FHIT: variants seen among roughly 807,000 people sequenced by gnomAD.
FHIT encodes the protein fragile histidine triad diadenosine triphosphatase, also known as bis(5'-adenosyl)-triphosphatase.
A neutral mutation model predicts 17.9 loss-of-function variants in FHIT; 19 were observed. The ratio of observed to expected loss-of-function variants is 1.06; its 90% CI spans 0.74 to 1.56. The LOEUF is 1.56. Ranked by LOEUF, FHIT falls within the 40% of genes most tolerant of loss-of-function variation. The probability of loss-of-function intolerance (pLI) is 0.00; values close to 1 mark genes in which losing one functional copy is unlikely to be tolerated. For missense variants in FHIT, 248 were observed against 189.2 expected, an observed-to-expected ratio of 1.31 and a Z score of -1.82; for synonymous variants, 81 against 69.7, an observed-to-expected ratio of 1.16 and a Z score of -0.81.
intron 8 of FHIT, among the ~76,000 whole-genome samples, chr3:59,859,478 G>C (rs1702316860): frequency 6.6e-6 from 1 of 152,224 alleles, no homozygotes; most frequent in Non-Finnish European, 1.5e-5. Flanking sequence ...AGCACTTTGG[G>C]AGGCTGAGGC....
At chr3:59,950,017 T>C (rs1707035078) in intron 7 of FHIT, among the ~76,000 whole-genome samples, 2 of 152,180 alleles carry the variant, frequency 1.3e-5, no homozygotes, top group Admixed American at 1.3e-4. Context: ...GCAGAAGGAA[T>C]AGAGGTAAGG....
intron 4 of FHIT, among the ~76,000 whole-genome samples, chr3:60,600,190 G>T (rs2038397287): frequency 1.3e-5 from 2 of 151,970 alleles, no homozygotes; most frequent in Admixed American, 6.6e-5. Context: ...CCTGCTAAAG[G>T]CACCAATGAT....
Position 60,620,190 on chromosome 3 carries a change from C to G in FHIT, c.-17-83211G>C, listed in dbSNP as rs564296499. ...GATGTGGGGCAACAGAACTCACATT[C>G]ACTGTGGATGGGAATGCAAAATGAT... is the stretch of plus-strand genomic sequence containing the variant. On this transcript the variant is annotated intron_variant, in intron 4 of 9. Transcript: ENST00000492590. Among the ~76,000 whole-genome samples, 3 of 152,274 alleles carry G rather than the reference C, an allele frequency of 2.0e-5. 1 individual carries two copies. Among genetic ancestry groups the G allele is most frequent in the African/African-American group, 7.2e-5 (3 of 41,556 alleles).
At chr3:60,446,892 AT>A (rs2031374413) in intron 5 of FHIT, among the ~76,000 whole-genome samples, 3 of 144,960 alleles carry the variant, frequency 2.1e-5, no homozygotes, top group African/African-American at 4.9e-5. Context: ...AATAATAATA[AT>A]AATAATAAAA....
Position 60,693,050 on chromosome 3 carries a change from T to G in FHIT, c.-18+128869A>C, listed in dbSNP as rs141180207. On this transcript the variant is annotated intron_variant, in intron 4 of 9. Coordinates refer to ENST00000492590, the MANE Select transcript of FHIT (RefSeq NM_002012.4). ...TCATTAGTAGAATTCTCTACAAGAA[T>G]CAAGACTAGCTTGACTATAAAAACA... Among the ~76,000 whole-genome samples the G allele has an allele frequency of 5.9e-3, 904 of 152,306 alleles. 7 individuals carry two copies. Among genetic ancestry groups the G allele is most frequent in the African/African-American group, 0.019 (803 of 41,580 alleles).
chr3:59,987,198 C>A (rs1709021808), intron 7 of FHIT, among the ~76,000 whole-genome samples: 2 of 141,694 alleles, frequency 1.4e-5, no homozygotes, highest in Admixed American at 7.2e-5. Context: ...ATAGGAAATC[C>A]TATATATATT....
At chr3:60,901,614 G>A (rs2107225434) in intron 3 of FHIT, among the ~76,000 whole-genome samples, 1 of 152,316 alleles carries the variant, frequency 6.6e-6, no homozygotes, top group East Asian at 1.9e-4. Context: ...ATAATACACT[G>A]GGTGTCCAAG....
chr3:59,838,524 C>G (rs566973588), intron 8 of FHIT, among the ~76,000 whole-genome samples: 2 of 152,196 alleles, frequency 1.3e-5, no homozygotes, highest in Non-Finnish European at 2.9e-5. Context: ...GTCTTCTTCC[C>G]AAGGCCTTCC....
chr3:60,592,113 ATTC>A (rs2038104801), intron 4 of FHIT, among the ~76,000 whole-genome samples: 1 of 150,846 alleles, frequency 6.6e-6, no homozygotes, highest in African/African-American at 2.4e-5. Flanking sequence ...AGCTATATGT[ATTC>A]TTAAGACATT....
At chr3:61,013,489 C>T (rs1198803827) in intron 3 of FHIT, among the ~76,000 whole-genome samples, 1 of 152,170 alleles carries the variant, frequency 6.6e-6, no homozygotes, top group Non-Finnish European at 1.5e-5. Context: ...TATTTACAGG[C>T]TTTTCATTTT....
At chr3:60,183,397 C>T (rs1472967870) in intron 5 of FHIT, among the ~76,000 whole-genome samples, 1 of 152,072 alleles carries the variant, frequency 6.6e-6, no homozygotes, top group Non-Finnish European at 1.5e-5. Flanking sequence ...GACTCTGTCT[C>T]AAACAAAGAA....
Position 61,034,326 on chromosome 3 carries a change from A to C in FHIT, c.-111+7721T>G, listed in dbSNP as rs78352990. Among the ~76,000 whole-genome samples the C allele has an allele frequency of 2.2e-3, 339 of 152,246 alleles. 1 individual carries two copies. The highest frequency in any genetic ancestry group is 7.9e-3 in the African/African-American group (329 of 41,524). On this transcript the variant is annotated intron_variant, in intron 3 of 9. Coordinates refer to ENST00000492590, the MANE Select transcript of FHIT (RefSeq NM_002012.4). Reference sequence around the variant, plus strand: ...GACATTATCAAAAAAATGAAAAGACAATCTACAGAGTGAGAGAACATATTT... The same window carrying C: ...GACATTATCAAAAAAATGAAAAGACCATCTACAGAGTGAGAGAACATATTT...
At position 60,356,769 on chromosome 3, in the gene FHIT, A is replaced by C. The variant is rs78886528; in HGVS notation, c.103+180091T>G. 8.0e-3 allele frequency among the ~76,000 whole-genome samples: 1,160 copies of C among 144,346 alleles called. 16 individuals carry two copies. Among genetic ancestry groups the C allele is most frequent in the Non-Finnish European group, 0.012 (832 of 67,568 alleles). 94.7% of individuals were successfully genotyped at this position (144,346 alleles called of 152,430 possible). On this transcript the variant is annotated intron_variant, in intron 5 of 9. Transcript: ENST00000492590. ...AGACAGAGACAAAAAAAAAAAAAAA[A>C]AAAAAAAAAAACGGAAGAAAGAGTA...
chr3:60,030,610 A>G (rs953558592), intron 5 of FHIT, among the ~76,000 whole-genome samples: 1 of 152,170 alleles, frequency 6.6e-6, no homozygotes, highest in African/African-American at 2.4e-5. Context: ...GAGAATGCAA[A>G]CTGAAATGAG....
chr3:59,872,967 G>C (rs1702990592), intron 8 of FHIT, among the ~76,000 whole-genome samples: 2 of 152,178 alleles, frequency 1.3e-5, no homozygotes, highest in African/African-American at 4.8e-5. Context: ...CAGTTACCTA[G>C]ACTCAAAATC....
chr3:61,210,601 G>A (rs186743964), intron 1 of FHIT, among the ~76,000 whole-genome samples: 13 of 152,318 alleles, frequency 8.5e-5, no homozygotes, highest in East Asian at 3.9e-4. Flanking sequence ...AGGGCCCTCC[G>A]AGCCATGTGC....
At chr3:60,374,806 C>T (rs1362340885) in intron 5 of FHIT, among the ~76,000 whole-genome samples, 1 of 151,976 alleles carries the variant, frequency 6.6e-6, no homozygotes, top group Non-Finnish European at 1.5e-5. Context: ...AGTTGTGTGG[C>T]TGTGTGTTTT....
chr3:60,259,878 G>A (rs186756285), intron 5 of FHIT, among the ~76,000 whole-genome samples: 20 of 152,144 alleles, frequency 1.3e-4, no homozygotes, highest in African/African-American at 4.6e-4. Flanking sequence ...CTCAGGGAGT[G>A]TGAACTTCAC....
intron 5 of FHIT, among the ~76,000 whole-genome samples, chr3:60,117,092 C>T (rs1445230556): frequency 6.6e-6 from 1 of 151,992 alleles, no homozygotes; most frequent in Non-Finnish European, 1.5e-5. Context: ...GTTAATTGTA[C>T]AGGCTTACTG....
Sources: gnomAD v4.1 joint callset for allele counts (sites outside exome capture counted in the v4.1 genomes callset) on GRCh38, gnomAD v4.1.1 for gene constraint, MANE v1.5 for transcripts, NCBI Gene and HGNC (gene_info 2026-07-23, HGNC 2026-07-21) for gene names.